RBM5: variants seen among roughly 807,000 people sequenced by gnomAD.
The protein encoded by RBM5 is RNA binding motif protein 5, also known as RNA-binding protein 5.
A neutral mutation model predicts 124.6 loss-of-function variants in RBM5; 15 were observed. The ratio of observed to expected loss-of-function variants is 0.12; its 90% CI spans 0.08 to 0.19. The LOEUF (loss-of-function observed/expected upper bound fraction) is 0.19. Ranked by LOEUF, RBM5 falls within the 10% of genes least tolerant of loss-of-function variation. The pLI, the probability that RBM5 is intolerant of heterozygous loss-of-function variation, is 1.00. For synonymous variants in RBM5, 337 were observed against 361.2 expected (o/e 0.93, Z 0.76); for missense variants, 580 against 1,026.5 (o/e 0.57, Z 5.94).
At chr3:50,104,205 G>T in intron 7 of RBM5, 43 bp from the exon 8 acceptor site, 1 of 1,553,932 alleles carries the variant, frequency 6.4e-7, no homozygotes, top group South Asian at 1.1e-5. Flanking sequence ...AGAAAGCCTG[G>T]CCTAATGTGA....
At chr3:50,115,400 C>T in intron 20 of RBM5, 28 bp from the exon 21 acceptor site, 14 of 1,604,510 alleles carry the variant, frequency 8.7e-6, no homozygotes, top group Non-Finnish European at 1.2e-5. Flanking sequence ...TGTACATTTC[C>T]AGTGACCTGT....
intron 21 of RBM5, 33 bp downstream of exon 21, chr3:50,115,640 G>A (rs748281667): frequency 2.8e-5 from 44 of 1,574,936 alleles, no homozygotes; most frequent in African/African-American, 4.1e-5. Flanking sequence ...CTGAGGGGGC[G>A]AGGGGAGGCA....
At chr3:50,089,691 G>A (rs767972278) in intron 1 of RBM5, among the ~76,000 whole-genome samples, 1 of 152,076 alleles carries the variant, frequency 6.6e-6, no homozygotes, top group Non-Finnish European at 1.5e-5. Flanking sequence ...GAGACTACTG[G>A]AACTGATTTT....
In RBM5 at chr3:50,102,982, T is replaced by C. The variant is rs951929250; in HGVS notation, c.484-101T>C. On this transcript the variant is annotated intron_variant, in intron 6 of 24. Transcript: ENST00000347869. ...GTTGGTCCTCCCCGTATGTTGTCCA[T>C]TTAATTCCAGAGCACTGATTTTTCC... 1.9e-5 allele frequency: 18 copies of C among 938,072 alleles called. No individual in the cohort carries two copies. The Admixed American group carries it at 2.3e-4, about 12-fold the overall frequency. The allele number at this position is 938,072 out of a possible 1,614,324, so 58.1% of individuals were successfully genotyped here. A position where few individuals can be genotyped will look rare whatever the true frequency, so the allele number is the denominator to read the frequency against.
At position 50,107,440 on chromosome 3, in the gene RBM5, A is replaced by G. The variant is rs1384641474; in HGVS notation, c.954-42A>G. On this transcript the variant is annotated intron_variant, in intron 11 of 24. Transcript: ENST00000347869. ...TGGTATAGGGGCACTAATTGTGGGA[A>G]TACTGTGATAGAATCACATGATTGG... 4.1e-6 allele frequency: 6 copies of G among 1,475,422 alleles called. No homozygotes were observed. In the South Asian group the frequency reaches 5.7e-5, roughly 14 times the overall value. The allele number at this position is 1,475,422 out of a possible 1,614,324, so 91.4% of individuals were successfully genotyped here.
At position 50,105,536 on chromosome 3, in the gene RBM5, C is replaced by G. The variant is rs1575320945; in HGVS notation, c.695-13C>G. On this transcript the variant is annotated splice_polypyrimidine_tract_variant and intron_variant, in intron 9 of 24. Coordinates refer to ENST00000347869, the MANE Select transcript of RBM5 (RefSeq NM_005778.4). ...GAATGCATGTGTATGTCATTTGTCTCATTTACCCCTAGCGATCATTCTTCG... is the reference window on the plus strand; with the variant it reads ...GAATGCATGTGTATGTCATTTGTCTGATTTACCCCTAGCGATCATTCTTCG... The G allele has an allele frequency of 2.7e-5, 44 of 1,611,626 alleles. No individual in the cohort carries two copies. The highest frequency in any genetic ancestry group is 3.5e-5 in the Non-Finnish European group (41 of 1,178,400).
intron 18 of RBM5, 30 bp from the exon 19 acceptor site, chr3:50,113,920 T>C: frequency 6.2e-7 from 1 of 1,605,356 alleles, no homozygotes; most frequent in Non-Finnish European, 8.5e-7. Flanking sequence ...ATTAAATATT[T>C]TTTTGTTGGT....
At chr3:50,093,300 G>T (rs991255710) in intron 3 of RBM5, among the ~76,000 whole-genome samples, 1 of 151,698 alleles carries the variant, frequency 6.6e-6, no homozygotes, top group Non-Finnish European at 1.5e-5. Flanking sequence ...TTAGCTGGGC[G>T]TGGTGGCAAG....
chr3:50,115,245 G>A (rs971043890), intron 20 of RBM5, 183 bp from the exon 21 acceptor site: 2 of 628,786 alleles, frequency 3.2e-6, no homozygotes, highest in Non-Finnish European at 5.3e-6. Flanking sequence ...AGGCTGTCAG[G>A]CCTAGCACTC....
chr3:50,114,118 A>G lies in RBM5; in HGVS notation c.1767+19A>G. 1 of 1,614,188 alleles carries G rather than the reference A, an allele frequency of 6.2e-7. No individual in the cohort carries two copies. The highest frequency in any genetic ancestry group is 1.3e-5 in the African/African-American group (1 of 75,068). On this transcript the variant is annotated intron_variant, in intron 19 of 24. Transcript: ENST00000347869. ...GAAGAAGGTAATAGCAGGAATGGCC[A>G]GTATGTCATGATGGGAACTTACCTA...
Position 50,107,153 on chromosome 3 carries a change from C to A in RBM5, c.953+289C>A, listed in dbSNP as rs574059318. The A allele has an allele frequency of 1.4e-4, 91 of 655,990 alleles. 2 individuals carry two copies. The highest frequency in any genetic ancestry group is 1.3e-3 in the South Asian group (86 of 65,830). 40.6% of individuals were successfully genotyped at this position (655,990 alleles called of 1,614,324 possible). A position where few individuals can be genotyped will look rare whatever the true frequency, so the allele number is the denominator to read the frequency against. ...CTGCAGCAGTATAGTGCTAACCCAT[C>A]CAGAAATAACCCATTCCTTCCAGAA... On this transcript the variant is annotated intron_variant, in intron 11 of 24. Transcript: ENST00000347869.
intron 24 of RBM5, chr3:50,118,123 G>A: frequency 1.6e-6 from 1 of 639,368 alleles, no homozygotes; most frequent in Non-Finnish European, 2.6e-6. Context: ...TGGGTGATTT[G>A]CTTCATCTGC....
At chr3:50,112,483 C>G (rs1408526899) in intron 17 of RBM5, 1 of 147,400 alleles carries the variant, frequency 6.8e-6, no homozygotes, top group African/African-American at 2.6e-5. Flanking sequence ...CCAGAAGAGA[C>G]AGACACTGTC....
chr3:50,106,110 G>T (rs1485547541), intron 10 of RBM5, among the ~76,000 whole-genome samples: 1 of 122,456 alleles, frequency 8.2e-6, no homozygotes, highest in East Asian at 2.4e-4. Context: ...CCGCCACCAC[G>T]CCCAGCTATT....
chr3:50,107,526 T>C lies in RBM5; in HGVS notation c.998T>C (p.Val333Ala). ...SDGNRVSAFS[V>A]ASTAIAAAQW... is the part of the protein sequence containing the mutation. ...GGTAACCGCGTCAGCGCTTTCTCTG[T>C]AGCTAGTACGGCTATTGCTGCTGCT... The change falls in exon 12 of 25, where the codon GTA (valine) becomes GCA (alanine). Residue 333 changes from valine to alanine, a missense_variant. By Grantham distance (64) the Val-to-Ala change is moderately conservative. Transcript: ENST00000347869. 1 of 1,611,164 alleles carries C rather than the reference T, an allele frequency of 6.2e-7. No homozygotes were observed.
At chr3:50,104,503 T>C in intron 8 of RBM5, 195 bp downstream of exon 8, 1 of 560,624 alleles carries the variant, frequency 1.8e-6, no homozygotes, top group Non-Finnish European at 3.2e-6. Context: ...ATTATCTGGG[T>C]GTGGTGGCAC....
intron 17 of RBM5, 96 bp downstream of exon 17, chr3:50,110,866 A>C: frequency 9.9e-7 from 1 of 1,009,486 alleles, no homozygotes; most frequent in Non-Finnish European, 1.4e-6. Flanking sequence ...AAAAGAATAT[A>C]TGACTCAGAT....
intron 20 of RBM5, chr3:50,114,555 T>G: frequency 2.9e-6 from 1 of 345,986 alleles, no homozygotes; most frequent in Non-Finnish European, 5.2e-6. Context: ...AAAGCTTGTT[T>G]TACTAGATAG....
intron 3 of RBM5, 22 bp from the exon 4 acceptor site, chr3:50,093,698 G>A (rs370702681): frequency 1.3e-5 from 21 of 1,606,976 alleles, no homozygotes; most frequent in Non-Finnish European, 1.8e-5. Context: ...TGTTAATTGT[G>A]ATTTTGTTTA....
Sources: allele counts gnomAD v4.1 joint callset (sites outside exome capture counted in the v4.1 genomes callset), GRCh38; gene constraint gnomAD v4.1.1; transcripts MANE v1.5; gene names NCBI Gene and HGNC (gene_info 2026-07-23, HGNC 2026-07-21).